The following ROBO2 variants were observed in gnomAD, a reference collection of about 807,000 sequenced individuals.
ROBO2 encodes the protein roundabout guidance receptor 2.
A neutral mutation model predicts 160.8 loss-of-function variants in ROBO2; 53 were observed. That is an observed-to-expected ratio of 0.33 (90% CI 0.26 to 0.41). The LOEUF (loss-of-function observed/expected upper bound fraction) is 0.41, where lower values mean the gene tolerates loss of function less well. Ranked by LOEUF, ROBO2 falls within the 10% of genes least tolerant of loss-of-function variation. ROBO2 has a pLI of 1.00. For missense variants in ROBO2, 1,577 were observed against 1,722.4 expected, an observed-to-expected ratio of 0.92 and a Z score of 1.49; for synonymous variants, 664 against 611.7, an observed-to-expected ratio of 1.09 and a Z score of -1.26.
At chr3:77,352,467 A>T (rs1405491998) in intron 2 of ROBO2, among the ~76,000 whole-genome samples, 1 of 151,252 alleles carries the variant, frequency 6.6e-6, no homozygotes, top group Non-Finnish European at 1.5e-5. Flanking sequence ...AAACAGCGAT[A>T]TTTTTTTTTC....
chr3:76,114,009 CAG>C (rs2070355399), intron 2 of ROBO2, among the ~76,000 whole-genome samples: 1 of 152,186 alleles, frequency 6.6e-6, no homozygotes, highest in African/African-American at 2.4e-5. Flanking sequence ...GAGGCCTCAC[CAG>C]AGCCGAGCAG....
chr3:77,532,151 T>C (rs1426548985), intron 6 of ROBO2, among the ~76,000 whole-genome samples: 2 of 152,082 alleles, frequency 1.3e-5, no homozygotes, highest in African/African-American at 2.4e-5. Context: ...CTTGTGTACT[T>C]GGCAATGTCT....
At chr3:76,703,441 G>A (rs964086422) in intron 2 of ROBO2, among the ~76,000 whole-genome samples, 2 of 151,980 alleles carry the variant, frequency 1.3e-5, no homozygotes, top group African/African-American at 2.4e-5. Context: ...AAGTATACAC[G>A]TACCATGGTG....
At chr3:77,004,496 G>A (rs567867478) in intron 2 of ROBO2, among the ~76,000 whole-genome samples, 6 of 152,250 alleles carry the variant, frequency 3.9e-5, no homozygotes, top group South Asian at 4.1e-4. Context: ...AACCCTGTTA[G>A]GTCAGTCACT....
At chr3:76,329,125 C>T (rs1471288955) in intron 2 of ROBO2, among the ~76,000 whole-genome samples, 2 of 151,916 alleles carry the variant, frequency 1.3e-5, no homozygotes, top group African/African-American at 4.8e-5. Context: ...GTGGATGTGA[C>T]GCTCCACTTC....
chr3:77,485,825 G>A (rs1016580389), intron 4 of ROBO2, among the ~76,000 whole-genome samples: 1 of 152,012 alleles, frequency 6.6e-6, no homozygotes, highest in Non-Finnish European at 1.5e-5. Flanking sequence ...GGATGTGTAG[G>A]TTTGTTACCT....
intron 2 of ROBO2, among the ~76,000 whole-genome samples, chr3:76,861,639 A>G (rs2070789511): frequency 6.6e-6 from 1 of 152,072 alleles, no homozygotes; most frequent in African/African-American, 2.4e-5. Flanking sequence ...CCAATCCCTC[A>G]CTTGAATTCT....
intron 2 of ROBO2, among the ~76,000 whole-genome samples, chr3:76,311,745 G>A (rs1329685060): frequency 3.3e-5 from 5 of 152,064 alleles, no homozygotes; most frequent in Non-Finnish European, 1.5e-5. Context: ...AAAAGAAATG[G>A]GTTCTGAATA....
rs186033293 is a variant in ROBO2, at chr3:77,582,895, C to T, written c.2500+2777C>T. 5.4e-3 allele frequency among the ~76,000 whole-genome samples: 815 copies of T among 152,102 alleles called. 10 individuals are homozygous for T. Among genetic ancestry groups the T allele is most frequent in the African/African-American group, 0.019 (777 of 41,510 alleles). ...GTGGCTCACGTCTGTAATCCTAGCA[C>T]TTTGAGGGGCTGAGGCTGGCTGATT... On this transcript the variant is annotated intron_variant, in intron 16 of 25. Transcript: ENST00000461745.
chr3:76,430,796 C>T (rs954341131), intron 2 of ROBO2, among the ~76,000 whole-genome samples: 4 of 151,844 alleles, frequency 2.6e-5, no homozygotes, highest in Non-Finnish European at 5.9e-5. Flanking sequence ...GTTGTTCAGC[C>T]AATAAATAAA....
At chr3:77,438,324 T>C (rs909157839) in intron 2 of ROBO2, among the ~76,000 whole-genome samples, 3 of 151,854 alleles carry the variant, frequency 2.0e-5, no homozygotes, top group African/African-American at 4.8e-5. Context: ...GGACTAGCAA[T>C]TGTCCAAATG....
At chr3:76,154,422 T>G (rs1277233770) in intron 2 of ROBO2, among the ~76,000 whole-genome samples, 1 of 152,074 alleles carries the variant, frequency 6.6e-6, no homozygotes, top group African/African-American at 2.4e-5. Flanking sequence ...GATAGAAAAG[T>G]TCACGAGAGC....
intron 2 of ROBO2, among the ~76,000 whole-genome samples, chr3:76,144,075 C>G (rs551943898): frequency 6.6e-6 from 1 of 152,086 alleles, no homozygotes; most frequent in African/African-American, 2.4e-5. Context: ...GAAACACCCC[C>G]ACAGACACCT....
At position 76,552,586 on chromosome 3, in the gene ROBO2, T is replaced by C. The variant is rs745966519; in HGVS notation, c.110-545428T>C. ...CTCTTTTCTGCTTCATATCATGATA[T>C]TCAAAAAACAATAAACCTTTCACAG... On this transcript the variant is annotated intron_variant, in intron 2 of 26. Coordinates refer to the ROBO2 transcript ENST00000487694. Among the ~76,000 whole-genome samples the C allele has an allele frequency of 5.9e-5, 9 of 152,342 alleles. No individual in the cohort carries two copies. The East Asian group carries it at 1.2e-3, about 20-fold the overall frequency.
chr3:76,108,372 C>A (rs989239318), intron 2 of ROBO2, among the ~76,000 whole-genome samples: 2 of 152,028 alleles, frequency 1.3e-5, no homozygotes, highest in Non-Finnish European at 2.9e-5. Flanking sequence ...CAATAAATTA[C>A]ATTGAATATC....
chr3:76,220,426 G>A (rs576055225), intron 2 of ROBO2, among the ~76,000 whole-genome samples: 5 of 152,060 alleles, frequency 3.3e-5, no homozygotes, highest in South Asian at 2.1e-4. Context: ...GTAAAAGCTC[G>A]ATCCTCACAC....
intron 2 of ROBO2, among the ~76,000 whole-genome samples, chr3:76,781,669 T>C (rs1384326912): frequency 4.0e-5 from 6 of 150,832 alleles, no homozygotes; most frequent in African/African-American, 1.5e-4. Context: ...TAATTTATTC[T>C]GTTCATGTGG....
At chr3:76,672,266 G>A (rs1051934069) in intron 2 of ROBO2, among the ~76,000 whole-genome samples, 1 of 151,912 alleles carries the variant, frequency 6.6e-6, no homozygotes, top group African/African-American at 2.4e-5. Context: ...GAGGATTCTA[G>A]CCATATTTTA....
At chr3:77,294,483 A>C (rs1465235793) in intron 2 of ROBO2, among the ~76,000 whole-genome samples, 1 of 145,634 alleles carries the variant, frequency 6.9e-6, no homozygotes, top group African/African-American at 2.7e-5. Flanking sequence ...GGGTAAGCTG[A>C]GGCTAGATCA....
Sources: allele counts gnomAD v4.1 joint callset (sites outside exome capture counted in the v4.1 genomes callset), GRCh38; gene constraint gnomAD v4.1.1; transcripts MANE v1.5; gene names NCBI Gene and HGNC (gene_info 2026-07-23, HGNC 2026-07-21).